TRAM1: variants seen among roughly 807,000 people sequenced by gnomAD.
The protein encoded by TRAM1 is translocating chain-associated membrane protein 1.
In TRAM1, 17 loss-of-function variants were observed where a neutral mutation model predicts 48.7. That is an observed-to-expected ratio of 0.35 (90% CI 0.24 to 0.52). The LOEUF is 0.52. Among genes scored for constraint, TRAM1 ranks in the 20% least tolerant of loss-of-function variants. The pLI is 0.94. For missense variants in TRAM1, 351 were observed against 441.5 expected, an observed-to-expected ratio of 0.79 and a Z score of 1.84; for synonymous variants, 182 against 154.0, an observed-to-expected ratio of 1.18 and a Z score of -1.34.
At position 70,574,954 on chromosome 8, in the gene TRAM1, T is replaced by C; in HGVS notation, c.1103A>G (p.Asn368Ser). ...LTSNVADSPR[N>S]KKEKSS ...TCATTATGAAGATTTCTCTTTTTTATTCCGGGGAGAGTCTGCTACATTTGA... is the reference window on the plus strand; with the variant it reads ...TCATTATGAAGATTTCTCTTTTTTACTCCGGGGAGAGTCTGCTACATTTGA... Residue 368 changes from asparagine to serine, a missense_variant, in exon 11 of 11, where the codon AAT (asparagine) becomes AGT (serine). Physicochemically the swap from Asn to Ser is conservative, Grantham distance 46 (BLOSUM62 1). Transcript: ENST00000262213. 1 of 1,610,494 alleles carries C rather than the reference T, an allele frequency of 6.2e-7. No homozygotes were observed. The highest frequency in any genetic ancestry group is 8.5e-7 in the Non-Finnish European group (1 of 1,178,174).
At position 70,608,164 on chromosome 8, in the gene TRAM1, T is replaced by C; in HGVS notation, c.36A>G (p.Pro12=). 6.3e-7 allele frequency: 1 copy of C among 1,594,514 alleles called. No individual in the cohort carries two copies. Among genetic ancestry groups the C allele is most frequent in the East Asian group, 2.4e-5 (1 of 41,702 alleles). The change falls in exon 1 of 11, where the codon CCA becomes CCG. Residue 12 remains proline (P), a synonymous_variant. Transcript: ENST00000262213. The part of the protein sequence containing the change: ...AIRKKSTKSP[P]VLSHEFVLQN... ...GCAGGACGAATTCGTGGCTCAGCAC[T>C]GGGGGGCTCTTGGTGCTTTTCTTGC...
Position 70,607,826 on chromosome 8 carries a change from C to T in TRAM1, c.123+251G>A, listed in dbSNP as rs1029146576. The T allele has an allele frequency of 1.4e-4, 46 of 322,620 alleles. 1 individual carries two copies. The highest frequency in any genetic ancestry group is 9.5e-4 in the African/African-American group (44 of 46,378). The allele number at this position is 322,620 out of a possible 1,614,324, so 20.0% of individuals were successfully genotyped here. On this transcript the variant is annotated intron_variant, in intron 1 of 10. Transcript: ENST00000262213. The stretch of plus-strand genomic sequence containing the variant: ...CGGCGGCGGGTCAGGAAGGGGGCGA[C>T]GCGGCGGTCCCCACCCCCTGCGGGC...
rs143074186 is a variant in TRAM1, at chr8:70,604,416, G to A, written c.123+3661C>T. On this transcript the variant is annotated intron_variant, in intron 1 of 10. Coordinates refer to ENST00000262213, the MANE Select transcript of TRAM1 (RefSeq NM_014294.6). ...AATTCCACTTCCAGTGGGGCTCAGT[G>A]GCACGTGCCTGTAGTCCCAGCCACT... is the stretch of plus-strand genomic sequence containing the variant. Among the ~76,000 whole-genome samples the A allele has an allele frequency of 7.6e-3, 1,159 of 152,286 alleles. 9 individuals are homozygous for A. Among genetic ancestry groups the A allele is most frequent in the Non-Finnish European group, 9.6e-3 (652 of 68,014 alleles).
chr8:70,595,921 CA>C (rs1817476864), intron 5 of TRAM1, among the ~76,000 whole-genome samples: 1 of 151,622 alleles, frequency 6.6e-6, no homozygotes, highest in African/African-American at 2.4e-5. Flanking sequence ...TGAAAAGAGA[CA>C]GGGGGTGGGG....
In TRAM1 at chr8:70,587,095, T is replaced by A. The variant is rs1036837906; in HGVS notation, c.641+11A>T. The A allele has an allele frequency of 6.2e-7, 1 of 1,613,750 alleles. No individual in the cohort carries two copies. Among genetic ancestry groups the A allele is most frequent in the Non-Finnish European group, 8.5e-7 (1 of 1,179,832 alleles). On this transcript the variant is annotated intron_variant, in intron 7 of 10. Coordinates refer to ENST00000262213, the MANE Select transcript of TRAM1 (RefSeq NM_014294.6). Reference sequence around the variant, plus strand: ...AGCCTACTTACACACCCATGAAATATCCCAACTCACTTCAAAAGGTAAGCT... The same window carrying A: ...AGCCTACTTACACACCCATGAAATAACCCAACTCACTTCAAAAGGTAAGCT...
rs890285527 is a variant in TRAM1 at position 70,607,050 on chromosome 8, C to T, written c.123+1027G>A. 176 of 902,124 alleles carry T rather than the reference C, an allele frequency of 2.0e-4. 1 individual carries two copies. In the African/African-American group the frequency reaches 2.9e-3, roughly 15 times the overall value. The allele number at this position is 902,124 out of a possible 1,614,324, so 55.9% of individuals were successfully genotyped here. ...CTTGTTACATGCAGGAGAGAGGAGA[C>T]AAAACAAGGCAGGAGCAAAATAATT... On this transcript the variant is annotated intron_variant, in intron 1 of 10. Coordinates refer to ENST00000262213, the MANE Select transcript of TRAM1 (RefSeq NM_014294.6).
chr8:70,594,623 T>C (rs779753143), intron 5 of TRAM1, 33 bp from the exon 6 acceptor site: 1 of 1,513,958 alleles, frequency 6.6e-7, no homozygotes, highest in Non-Finnish European at 8.9e-7. Flanking sequence ...GAGTACCTTT[T>C]AAAGCATAAT....
intron 10 of TRAM1, among the ~76,000 whole-genome samples, chr8:70,581,127 C>T (rs993028364): frequency 6.6e-6 from 1 of 152,184 alleles, no homozygotes; most frequent in Non-Finnish European, 1.5e-5. Context: ...GCAGCATATG[C>T]CTGTAGTCCC....
chr8:70,583,745 T>C lies in TRAM1; in HGVS notation c.795A>G (p.Leu265=), dbSNP rs745911681. The C allele has an allele frequency of 6.2e-7, 1 of 1,601,110 alleles. No homozygotes were observed. Among genetic ancestry groups the C allele is most frequent in the African/African-American group, 1.4e-5 (1 of 73,872 alleles). The change falls in exon 9 of 11, where the codon TTA becomes TTG. Residue 265 remains leucine, a synonymous_variant. Coordinates refer to ENST00000262213, the MANE Select transcript of TRAM1 (RefSeq NM_014294.6). ...AACCAACAGTCAGTACTGAAAGAATTAAAGTCAGAAGTCTTCCCAAAACAA... is the reference window on the plus strand; with the variant it reads ...AACCAACAGTCAGTACTGAAAGAATCAAAGTCAGAAGTCTTCCCAAAACAA... ...VLFVLGRLLT[L]ILSVLTVGFG... is the part of the protein sequence containing the mutation.
intron 1 of TRAM1, chr8:70,607,622 C>G (rs1586770136): frequency 2.6e-6 from 1 of 388,616 alleles, no homozygotes; most frequent in East Asian, 1.6e-4. Context: ...TCGGCCTTCC[C>G]CGGCCCTCGC....
chr8:70,583,460 T>A (rs1288121503), intron 9 of TRAM1, 136 bp from the exon 10 acceptor site: 3 of 1,303,474 alleles, frequency 2.3e-6, no homozygotes, highest in Non-Finnish European at 3.1e-6. Flanking sequence ...GCATTAATAA[T>A]TTATCCTAAA....
At chr8:70,603,542 C>T (rs1348158781) in intron 1 of TRAM1, among the ~76,000 whole-genome samples, 1 of 152,092 alleles carries the variant, frequency 6.6e-6, no homozygotes, top group Admixed American at 6.6e-5. Flanking sequence ...CATGGTGAAA[C>T]CTCATCTCTA....
At position 70,608,373 on chromosome 8, in the gene TRAM1, G is replaced by GAAAA; in HGVS notation, c.-178_-175dup. 2.7e-5 allele frequency: 10 copies of GAAAA among 374,178 alleles called. No homozygotes were observed. The highest frequency in any genetic ancestry group is 5.6e-5 in the East Asian group (1 of 17,910). The allele number at this position is 374,178 out of a possible 1,614,324, so 23.2% of individuals were successfully genotyped here. A position where few individuals can be genotyped will look rare whatever the true frequency, so the allele number is the denominator to read the frequency against. On this transcript the variant is annotated 5_prime_UTR_variant, in exon 1 of 11. Coordinates refer to ENST00000262213, the MANE Select transcript of TRAM1 (RefSeq NM_014294.6). ...TACGCAGCCGCCGGGCCGCCCGGGG[G>GAAAA]AAAAAAAAAAACACAACAGCTAGCC... is the stretch of plus-strand genomic sequence containing the variant.
At chr8:70,607,323 C>T in intron 1 of TRAM1, 1 of 985,440 alleles carries the variant, frequency 1.0e-6, no homozygotes, top group Non-Finnish European at 1.2e-6. Context: ...TACTCGATTC[C>T]TTGGCACCGC....
At chr8:70,582,619 GT>G (rs1354201250) in intron 10 of TRAM1, among the ~76,000 whole-genome samples, 1 of 150,974 alleles carries the variant, frequency 6.6e-6, no homozygotes, top group Non-Finnish European at 1.5e-5. Context: ...AACTTCCTGT[GT>G]TATAGTTCTA....
Position 70,583,321 on chromosome 8 carries a change from G to A in TRAM1, c.894C>T (p.Ile298=), listed in dbSNP as rs1205746331. 4 of 1,612,498 alleles carry A rather than the reference G, an allele frequency of 2.5e-6. No individual in the cohort carries two copies. The highest frequency in any genetic ancestry group is 3.4e-6 in the Non-Finnish European group (4 of 1,179,434). The change falls in exon 10 of 11, where the codon ATC becomes ATT. Residue 298 remains isoleucine, a synonymous_variant. Coordinates refer to ENST00000262213, the MANE Select transcript of TRAM1 (RefSeq NM_014294.6). ...TAACGCAAATGGATGCCAGAACAGC[G>A]ATTCTAAGAAATATTAAGACATAAA... ...TGNFNVLAVR[I]AVLASICVTQ...
rs890693052 is a variant in TRAM1, at chr8:70,597,780, A to C, written c.426+115T>G. The C allele has an allele frequency of 5.4e-6, 4 of 747,544 alleles. No homozygotes were observed. The African/African-American group carries it at 7.3e-5, about 14-fold the overall frequency. The allele number at this position is 747,544 out of a possible 1,614,324, so 46.3% of individuals were successfully genotyped here. On this transcript the variant is annotated intron_variant, in intron 4 of 10. Coordinates refer to ENST00000262213, the MANE Select transcript of TRAM1 (RefSeq NM_014294.6). ...CATAGTTTAGAATTTTTGCTGTATAAAAAAATACCTAAAACAGATTTATCA... is the reference window on the plus strand; with the variant it reads ...CATAGTTTAGAATTTTTGCTGTATACAAAAATACCTAAAACAGATTTATCA...
rs1191367197 is a variant in TRAM1 at position 70,579,296 on chromosome 8, G to GGTAA, written c.1051+3864_1051+3867dup. 5.9e-5 allele frequency among the ~76,000 whole-genome samples: 9 copies of GGTAA among 152,246 alleles called. 1 individual carries two copies. In the Middle Eastern group the frequency reaches 0.021, roughly 348 times the overall value. Reference sequence around the variant, plus strand: ...ATACTTTAGGCAACTGTAATACAGTGGTAACTATTTATGTATCTAAACATA... The same window carrying GGTAA: ...ATACTTTAGGCAACTGTAATACAGTGGTAAGTAACTATTTATGTATCTAAACATA... On this transcript the variant is annotated intron_variant, in intron 10 of 10. Coordinates refer to ENST00000262213, the MANE Select transcript of TRAM1 (RefSeq NM_014294.6).
At position 70,585,246 on chromosome 8, in the gene TRAM1, C is replaced by T. The variant is rs1586754554; in HGVS notation, c.747-1453G>A. Among the ~76,000 whole-genome samples the T allele has an allele frequency of 3.3e-5, 5 of 152,174 alleles. No homozygotes were observed. In the South Asian group the frequency reaches 8.3e-4, roughly 25 times the overall value. ...ATATGTAGAAAGCTGAAACTGGATCCCTTCCTTACACCTTATACAAAAATT... is the reference window on the plus strand; with the variant it reads ...ATATGTAGAAAGCTGAAACTGGATCTCTTCCTTACACCTTATACAAAAATT... On this transcript the variant is annotated intron_variant, in intron 8 of 10. Coordinates refer to ENST00000262213, the MANE Select transcript of TRAM1 (RefSeq NM_014294.6).
Sources: gnomAD v4.1 joint callset for allele counts (sites outside exome capture counted in the v4.1 genomes callset) on GRCh38, gnomAD v4.1.1 for gene constraint, MANE v1.5 for transcripts, NCBI Gene and HGNC (gene_info 2026-07-23, HGNC 2026-07-21) for gene names.